The following PGAP1 variants were observed in gnomAD, a reference collection of about 807,000 sequenced individuals.
PGAP1 encodes post-GPI attachment to proteins inositol deacylase 1.
A neutral mutation model predicts 127.0 loss-of-function variants in PGAP1; 76 were observed. The ratio of observed to expected loss-of-function variants is 0.60; its 90% CI spans 0.50 to 0.72. The LOEUF is 0.72. PGAP1 is among the 30% of genes least tolerant of loss of function. PGAP1 has a pLI of 0.00. For missense variants in PGAP1, 982 were observed against 1,071.3 expected (o/e 0.92, Z 1.16); for synonymous variants, 362 against 366.5 (o/e 0.99, Z 0.14).
intron 1 of PGAP1, among the ~76,000 whole-genome samples, chr2:196,926,194 A>C (rs564224550): frequency 2.6e-5 from 4 of 151,700 alleles, no homozygotes; most frequent in African/African-American, 9.7e-5. Context: ...GCTGGGGAGG[A>C]GGCGGAGGGA....
intron 1 of PGAP1, among the ~76,000 whole-genome samples, chr2:196,921,319 A>G (rs1253347268): frequency 6.6e-6 from 1 of 152,148 alleles, no homozygotes; most frequent in Non-Finnish European, 1.5e-5. Flanking sequence ...TAAGCTTATT[A>G]AGATACTAGC....
chr2:196,861,077 T>C (rs1042598473), intron 20 of PGAP1, among the ~76,000 whole-genome samples: 3 of 152,114 alleles, frequency 2.0e-5, no homozygotes, highest in African/African-American at 7.2e-5. Flanking sequence ...AAAACATACA[T>C]TGGAGAAAGG....
At chr2:196,894,727 G>A (rs546265585) in intron 7 of PGAP1, among the ~76,000 whole-genome samples, 17 of 152,200 alleles carry the variant, frequency 1.1e-4, no homozygotes, top group African/African-American at 3.4e-4. Context: ...GCATGAACCC[G>A]GGAGGCGGAG....
Position 196,845,900 on chromosome 2 carries a change from A to G in PGAP1, c.2268T>C (p.Tyr756=), listed in dbSNP as rs759829514. The G allele has an allele frequency of 3.1e-6, 5 of 1,608,058 alleles. No homozygotes were observed. In the Admixed American group the frequency reaches 6.7e-5, roughly 22 times the overall value. Residue 756 remains tyrosine (Y), a synonymous_variant, in exon 23 of 27, where the codon TAT becomes TAC. Coordinates refer to ENST00000354764, the MANE Select transcript of PGAP1 (RefSeq NM_024989.4). ...TCGALAILLS[Y]LYYVFKVVHL... ...GACATACCTTAAACACATAGTAAAG[A>G]TAAGAAAGAAGTATGGCTAGTGCTC...
At chr2:196,896,096 A>G (rs1702258200) in intron 7 of PGAP1, among the ~76,000 whole-genome samples, 1 of 152,198 alleles carries the variant, frequency 6.6e-6, no homozygotes, top group Non-Finnish European at 1.5e-5. Context: ...TCCTGCTACC[A>G]TTTATCTGCT....
chr2:196,874,626 A>T (rs1208868983), intron 14 of PGAP1, among the ~76,000 whole-genome samples: 1 of 152,248 alleles, frequency 6.6e-6, no homozygotes, highest in Non-Finnish European at 1.5e-5. Flanking sequence ...GTAATTAGAG[A>T]TATCAGTATC....
At chr2:196,904,776 CAGA>C (rs1029215609) in intron 4 of PGAP1, among the ~76,000 whole-genome samples, 2 of 152,030 alleles carry the variant, frequency 1.3e-5, no homozygotes, top group Non-Finnish European at 2.9e-5. Flanking sequence ...GATCACAGTG[CAGA>C]AGTAAAGATA....
chr2:196,844,366 A>G (rs1051608226), intron 24 of PGAP1, among the ~76,000 whole-genome samples, 158 bp downstream of exon 24: 3 of 152,160 alleles, frequency 2.0e-5, no homozygotes, highest in East Asian at 1.9e-4. Context: ...AGATGAACTT[A>G]TAAGTCTTTT....
rs1268752178 is a variant in PGAP1 at position 196,839,223 on chromosome 2, T to C, written c.*2011A>G. 2.0e-5 allele frequency: 3 copies of C among 152,750 alleles called. No homozygotes were observed. The highest frequency in any genetic ancestry group is 4.1e-4 in the South Asian group (2 of 4,828). The allele number at this position is 152,750 out of a possible 1,614,324, so 9.5% of individuals were successfully genotyped here. On this transcript the variant is annotated 3_prime_UTR_variant, in exon 27 of 27. Transcript: ENST00000354764. ...AATTTTCTAAAGTTCTTTCTGTATA[T>C]GGAACTAAGTCCAAATTCAGAAATA...
intron 1 of PGAP1, 152 bp from the exon 2 acceptor site, chr2:196,920,302 T>A: frequency 3.1e-6 from 2 of 643,114 alleles, no homozygotes; most frequent in Non-Finnish European, 5.1e-6. Flanking sequence ...AAACAAGTTC[T>A]ACTTGTAGTT....
At chr2:196,876,517 A>G (rs1701574229) in intron 13 of PGAP1, among the ~76,000 whole-genome samples, 1 of 152,132 alleles carries the variant, frequency 6.6e-6, no homozygotes, top group African/African-American at 2.4e-5. Flanking sequence ...TTAGCTGCAT[A>G]AGAAACTCTG....
At chr2:196,852,071 T>C (rs1478865774) in intron 20 of PGAP1, among the ~76,000 whole-genome samples, 1 of 152,212 alleles carries the variant, frequency 6.6e-6, no homozygotes, top group Non-Finnish European at 1.5e-5. Flanking sequence ...GAAATGTAAT[T>C]TGGATCTAAT....
intron 23 of PGAP1, 59 bp from the exon 24 acceptor site, chr2:196,844,633 C>T: frequency 1.3e-5 from 16 of 1,193,458 alleles, no homozygotes; most frequent in Non-Finnish European, 1.8e-5. Context: ...ACATATAAGC[C>T]TTTTGGTATT....
At chr2:196,902,509 T>C in intron 5 of PGAP1, 76 bp downstream of exon 5, 4 of 1,275,848 alleles carry the variant, frequency 3.1e-6, no homozygotes. Flanking sequence ...ACCATGCAGC[T>C]ATATATTATT....
At chr2:196,903,296 A>G (rs539003254) in intron 4 of PGAP1, among the ~76,000 whole-genome samples, 1 of 152,004 alleles carries the variant, frequency 6.6e-6, no homozygotes, top group Admixed American at 6.6e-5. Context: ...TGATGGCAGT[A>G]TCCCAGCTTA....
Position 196,926,471 on chromosome 2 carries a change from T to C in PGAP1, c.146A>G (p.Gln49Arg). ...GCTGAGGAGAGGGCAGAACCTTACC[T>C]GATACTCCGGGTACTCAAACATGTA... ...MSYMFEYPEY[Q>R]KIELPKKLAK... is the part of the protein sequence containing the mutation. Residue 49 changes from glutamine (Q) to arginine (R), a missense_variant and splice_region_variant, in exon 1 of 27, where the codon CAG becomes CGG. Gln to Arg is a conservative substitution (Grantham distance 43, BLOSUM62 1). Coordinates refer to ENST00000354764, the MANE Select transcript of PGAP1 (RefSeq NM_024989.4). 1.9e-6 allele frequency: 3 copies of C among 1,614,082 alleles called. No individual in the cohort carries two copies. The highest frequency in any genetic ancestry group is 2.5e-6 in the Non-Finnish European group (3 of 1,179,984).
intron 26 of PGAP1, among the ~76,000 whole-genome samples, chr2:196,841,610 C>T (rs1287906523): frequency 5.3e-5 from 8 of 152,218 alleles, no homozygotes; most frequent in African/African-American, 9.6e-5. Context: ...CTCCGCCTCC[C>T]GGGTTCATGC....
chr2:196,884,585 T>C (rs1051971573), intron 12 of PGAP1, among the ~76,000 whole-genome samples: 1 of 152,206 alleles, frequency 6.6e-6, no homozygotes, highest in South Asian at 2.1e-4. Context: ...GAGTTGACTA[T>C]TCATACAAAT....
chr2:196,846,965 T>TA (rs1243660054), intron 22 of PGAP1, 38 bp downstream of exon 22: 2 of 1,498,284 alleles, frequency 1.3e-6, no homozygotes, highest in East Asian at 4.5e-5. Flanking sequence ...TATTTCTTCT[T>TA]AAAGCAATAA....
Sources: allele counts gnomAD v4.1 joint callset (sites outside exome capture counted in the v4.1 genomes callset), GRCh38; gene constraint gnomAD v4.1.1; transcripts MANE v1.5; gene names NCBI Gene and HGNC (gene_info 2026-07-23, HGNC 2026-07-21).